Variants in CAMK1D observed in about 807,000 individuals in gnomAD.
CAMK1D encodes calcium/calmodulin-dependent protein kinase type 1D.
A neutral mutation model predicts 47.7 loss-of-function variants in CAMK1D; 9 were observed. The observed-to-expected ratio is 0.19, with a 90% confidence interval of 0.11 to 0.33. CAMK1D has a LOEUF of 0.33. CAMK1D is among the 10% of genes least tolerant of loss of function. The probability of loss-of-function intolerance (pLI) is 1.00; values close to 1 mark genes in which losing one functional copy is unlikely to be tolerated. For missense variants in CAMK1D, 291 were observed against 488.7 expected, an observed-to-expected ratio of 0.60 and a Z score of 3.81; for synonymous variants, 184 against 184.9, an observed-to-expected ratio of 0.99 and a Z score of 0.04.
chr10:12,785,941 C>T (rs529219436), intron 5 of CAMK1D, among the ~76,000 whole-genome samples: 1 of 152,340 alleles, frequency 6.6e-6, no homozygotes, highest in East Asian at 1.9e-4. Context: ...AGAACATCCT[C>T]GTGGATCTCC....
intron 2 of CAMK1D, among the ~76,000 whole-genome samples, chr10:12,562,098 G>A (rs1385831374): frequency 2.0e-5 from 3 of 152,192 alleles, no homozygotes; most frequent in East Asian, 3.8e-4. Flanking sequence ...AGGAAACAGG[G>A]TTCTTTAGCT....
chr10:12,786,116 C>T (rs896241801), intron 5 of CAMK1D, among the ~76,000 whole-genome samples: 14 of 152,120 alleles, frequency 9.2e-5, no homozygotes, highest in African/African-American at 3.4e-4. Context: ...TTGATTCCAG[C>T]AATCACAAGT....
chr10:12,375,105 T>C (rs1446182491), intron 1 of CAMK1D, among the ~76,000 whole-genome samples: 1 of 152,140 alleles, frequency 6.6e-6, no homozygotes. Context: ...CTGAGCTGTT[T>C]TGCTTTCGGG....
intron 4 of CAMK1D, among the ~76,000 whole-genome samples, chr10:12,763,296 C>T (rs1836588699): frequency 6.6e-6 from 1 of 152,178 alleles, no homozygotes; most frequent in East Asian, 1.9e-4. Context: ...ACCTATATAA[C>T]CAAGCCCAGA....
chr10:12,530,402 C>G (rs1835767129), intron 1 of CAMK1D, among the ~76,000 whole-genome samples: 1 of 152,196 alleles, frequency 6.6e-6, no homozygotes, highest in African/African-American at 2.4e-5. Context: ...CCTCAGTTTC[C>G]TTTTCTGGGA....
chr10:12,741,774 G>A (rs150410923), intron 3 of CAMK1D, among the ~76,000 whole-genome samples: 1,902 of 152,240 alleles, frequency 0.012, 23 homozygotes, highest in Middle Eastern at 0.054. Context: ...AGGGAATTGG[G>A]CCACAGAGCA....
intron 1 of CAMK1D, among the ~76,000 whole-genome samples, chr10:12,532,942 T>G (rs911440746): frequency 1.5e-4 from 16 of 107,704 alleles, no homozygotes; most frequent in Non-Finnish European, 2.8e-4. Context: ...TTCTAGAGAC[T>G]GCGAAAGGTT....
chr10:12,553,258 G>C lies in CAMK1D; in HGVS notation c.126G>C (p.Glu42Asp). 20 of 1,614,202 alleles carry C rather than the reference G, an allele frequency of 1.2e-5. No individual in the cohort carries two copies. Among genetic ancestry groups the C allele is most frequent in the Non-Finnish European group, 1.7e-5 (20 of 1,180,038 alleles). Residue 42 changes from glutamate to aspartate, a missense_variant, in exon 2 of 11, where the codon GAG becomes GAC. Glu to Asp is a conservative substitution (Grantham distance 45). Transcript: ENST00000619168. The part of the protein sequence containing the change: ...GAFSEVVLAE[E>D]KATGKLFAVK... ...TTTCCGAAGTGGTTTTAGCTGAAGA[G>C]AAGGCAACTGGCAAGCTCTTTGCTG...
chr10:12,705,256 T>C (rs960189490), intron 3 of CAMK1D, among the ~76,000 whole-genome samples: 6 of 151,514 alleles, frequency 4.0e-5, no homozygotes, highest in African/African-American at 1.5e-4. Context: ...AGGTCAGGAG[T>C]TTGAGACCAT....
Position 12,548,447 on chromosome 10 carries a change from C to CTT in CAMK1D, c.93-4757_93-4756dup, listed in dbSNP as rs35061502. ...ATAACATAAACTTTACCATTTTAAG[C>CTT]TTTTTTTTTTTTTTTTTTTTTTGCT... On this transcript the variant is annotated intron_variant, in intron 1 of 10. Coordinates refer to ENST00000619168, the MANE Select transcript of CAMK1D (RefSeq NM_153498.4). 5.8e-3 allele frequency among the ~76,000 whole-genome samples: 470 copies of CTT among 81,190 alleles called. 11 individuals are homozygous for CTT. Among genetic ancestry groups the CTT allele is most frequent in the East Asian group, 9.1e-3 (22 of 2,416 alleles). 53.3% of individuals were successfully genotyped at this position (81,190 alleles called of 152,430 possible). A position where few individuals can be genotyped will look rare whatever the true frequency, so the allele number is the denominator to read the frequency against.
Position 12,527,272 on chromosome 10 carries a change from T to C in CAMK1D, c.93-25953T>C, listed in dbSNP as rs544619399. The stretch of plus-strand genomic sequence containing the variant: ...CACTTTTAGGGACTGCTTGTCTCAG[T>C]CCTCTGGCCAGAAAAGGGGGATTTT... On this transcript the variant is annotated intron_variant, in intron 1 of 10. Transcript: ENST00000619168. 2.6e-5 allele frequency among the ~76,000 whole-genome samples: 4 copies of C among 151,604 alleles called. No homozygotes were observed. In the East Asian group the frequency reaches 7.8e-4, roughly 29 times the overall value.
At chr10:12,364,696 T>G (rs894940635) in intron 1 of CAMK1D, among the ~76,000 whole-genome samples, 8 of 152,146 alleles carry the variant, frequency 5.3e-5, no homozygotes, top group African/African-American at 1.9e-4. Context: ...TGGAGTCAGT[T>G]GTGTGCTGAT....
intron 1 of CAMK1D, among the ~76,000 whole-genome samples, chr10:12,407,536 A>G (rs1839482129): frequency 1.3e-5 from 2 of 151,978 alleles, no homozygotes; most frequent in African/African-American, 4.8e-5. Flanking sequence ...TCCCTCCTCC[A>G]TTACTTCATG....
At chr10:12,486,260 G>C (rs1411954927) in intron 1 of CAMK1D, among the ~76,000 whole-genome samples, 1 of 151,834 alleles carries the variant, frequency 6.6e-6, no homozygotes, top group Non-Finnish European at 1.5e-5. Flanking sequence ...CCAGGTTCTG[G>C]CCATTCTCCT....
chr10:12,479,896 G>C (rs2132095498), intron 1 of CAMK1D, among the ~76,000 whole-genome samples: 1 of 152,244 alleles, frequency 6.6e-6, no homozygotes, highest in East Asian at 1.9e-4. Context: ...TTATCACTGT[G>C]TCCACAGTTC....
Position 12,503,561 on chromosome 10 carries a change from C to T in CAMK1D, c.93-49664C>T, listed in dbSNP as rs565274569. On this transcript the variant is annotated intron_variant, in intron 1 of 10. Coordinates refer to ENST00000619168, the MANE Select transcript of CAMK1D (RefSeq NM_153498.4). ...CGGGCTCCCAGGGAGAGGGGCGGGA[C>T]GTTTGTGAGTGGAGATCTTATCACA... is the stretch of plus-strand genomic sequence containing the variant. Among the ~76,000 whole-genome samples the T allele has an allele frequency of 3.5e-4, 53 of 152,176 alleles. 1 individual carries two copies. In the South Asian group the frequency reaches 4.2e-3, roughly 12 times the overall value.
At chr10:12,530,235 C>T (rs148390156) in intron 1 of CAMK1D, among the ~76,000 whole-genome samples, 2 of 152,354 alleles carry the variant, frequency 1.3e-5, no homozygotes, top group Non-Finnish European at 2.9e-5. Context: ...AACACGGGAA[C>T]ACAGTGAGGC....
intron 2 of CAMK1D, among the ~76,000 whole-genome samples, chr10:12,556,852 G>A (rs923662420): frequency 6.6e-6 from 1 of 152,214 alleles, no homozygotes; most frequent in Non-Finnish European, 1.5e-5. Context: ...ATGTATGTAG[G>A]GAGAATAGTG....
intron 1 of CAMK1D, among the ~76,000 whole-genome samples, chr10:12,500,286 A>T (rs918536367): frequency 1.3e-5 from 2 of 152,148 alleles, no homozygotes; most frequent in African/African-American, 4.8e-5. Flanking sequence ...AAACAAAAAC[A>T]AAAACAAAAC....
Sources: gnomAD v4.1 joint callset for allele counts (sites outside exome capture counted in the v4.1 genomes callset) on GRCh38, gnomAD v4.1.1 for gene constraint, MANE v1.5 for transcripts, NCBI Gene and HGNC (gene_info 2026-07-23, HGNC 2026-07-21) for gene names.